Variants in SNRPN observed in about 807,000 individuals in gnomAD.
SNRPN encodes small nuclear ribonucleoprotein polypeptide N.
SNRPN carries 7 observed loss-of-function variants against 25.2 expected under a neutral mutation model. That is an observed-to-expected ratio of 0.28 (90% CI 0.16 to 0.52). The LOEUF is 0.52. Ranked by LOEUF, SNRPN falls within the 20% of genes least tolerant of loss-of-function variation. SNRPN has a pLI of 0.96. For synonymous variants in SNRPN, 124 were observed against 110.6 expected (o/e 1.12, Z -0.76); for missense variants, 196 against 322.5 (o/e 0.61, Z 3.00).
At chr15:24,896,784 C>A (rs1595766357) in intron 2 of SNRPN, among the ~76,000 whole-genome samples, 1 of 152,070 alleles carries the variant, frequency 6.6e-6, no homozygotes, top group African/African-American at 2.4e-5. Flanking sequence ...TTCACTGTTG[C>A]CTTTGAAGAA....
chr15:24,966,678 A>G (rs2153561039), intron 2 of SNRPN, among the ~76,000 whole-genome samples: 1 of 152,260 alleles, frequency 6.6e-6, no homozygotes, highest in Admixed American at 6.5e-5. Flanking sequence ...AATTCCAAGG[A>G]TGTATAGGAT....
chr15:24,894,496 G>A (rs925720443), intron 2 of SNRPN, among the ~76,000 whole-genome samples: 3 of 152,194 alleles, frequency 2.0e-5, no homozygotes, highest in African/African-American at 7.2e-5. Context: ...TGGGATTACA[G>A]GCGTGAGCCA....
chr15:24,978,463 C>G lies in SNRPN; in HGVS notation c.*19C>G, dbSNP rs773471460. On this transcript the variant is annotated 3_prime_UTR_variant, in exon 10 of 10. Coordinates refer to ENST00000390687, the MANE Select transcript of SNRPN (RefSeq NM_003097.6). ...ACCTTAGCATACTGTTGATCCATCT[C>G]AGTCACTTTTTCCCCTGCAATGCGT... The G allele has an allele frequency of 1.4e-5, 23 of 1,611,564 alleles. No individual in the cohort carries two copies. The highest frequency in any genetic ancestry group is 1.9e-5 in the Non-Finnish European group (22 of 1,178,566).
chr15:24,953,373 G>C (rs928691647), upstream of SNRPN, among the ~76,000 whole-genome samples: 6 of 152,130 alleles, frequency 3.9e-5, no homozygotes, highest in South Asian at 2.1e-4. Context: ...CACCAGGCTG[G>C]AGTGCAGTGG....
intron 2 of SNRPN, among the ~76,000 whole-genome samples, chr15:24,890,305 T>C (rs2057567109): frequency 6.6e-6 from 1 of 152,146 alleles, no homozygotes; most frequent in Non-Finnish European, 1.5e-5. Flanking sequence ...ACAGGTCTTA[T>C]GAATTTCTCC....
chr15:24,922,098 A>C (rs1314327077), intron 3 of SNRPN, among the ~76,000 whole-genome samples: 4 of 151,640 alleles, frequency 2.6e-5, no homozygotes, highest in Non-Finnish European at 5.9e-5. Flanking sequence ...CTGTAATCCC[A>C]GCTACTAGGG....
At chr15:24,880,592 C>G (rs1364862315) in intron 1 of SNRPN, among the ~76,000 whole-genome samples, 1 of 152,082 alleles carries the variant, frequency 6.6e-6, no homozygotes, top group African/African-American at 2.4e-5. Flanking sequence ...AGAGACAGGG[C>G]AGAAAATACT....
Position 24,911,138 on chromosome 15 carries a change from A to G in SNRPN, c.-504-8873A>G, listed in dbSNP as rs559320842. 8.0e-6 allele frequency: 7 copies of G among 878,308 alleles called. No homozygotes were observed. In the Admixed American group the frequency reaches 2.1e-4, roughly 27 times the overall value. 54.4% of individuals were successfully genotyped at this position (878,308 alleles called of 1,614,324 possible). ...TTGCAAGAAGCATGTTCTTGTGGGT[A>G]GGTCGTCAGTGCTGGAAAGGGCCAA... On this transcript the variant is annotated intron_variant, in intron 2 of 11. Transcript: ENST00000400097.
intron 2 of SNRPN, among the ~76,000 whole-genome samples, chr15:24,901,392 A>G (rs924481866): frequency 6.6e-6 from 1 of 152,202 alleles, no homozygotes; most frequent in Non-Finnish European, 1.5e-5. Context: ...TTTGATCTCT[A>G]TATCAAGAAA....
At chr15:24,951,454 T>G (rs1259086486), upstream of SNRPN, among the ~76,000 whole-genome samples, 1 of 152,242 alleles carries the variant, frequency 6.6e-6, no homozygotes, top group African/African-American at 2.4e-5. Flanking sequence ...TAAGAACTAT[T>G]TTAATCCTTT....
intron 2 of SNRPN, among the ~76,000 whole-genome samples, chr15:24,894,367 C>T (rs1230434406): frequency 6.6e-6 from 1 of 152,096 alleles, no homozygotes; most frequent in South Asian, 2.1e-4. Flanking sequence ...TACAGGTGCC[C>T]GCCACCACGC....
At chr15:24,905,885 G>A (rs1013985174) in intron 2 of SNRPN, among the ~76,000 whole-genome samples, 1 of 152,058 alleles carries the variant, frequency 6.6e-6, no homozygotes, top group Admixed American at 6.5e-5. Flanking sequence ...GTGTTCTGGT[G>A]AACTTCCTGA....
intron 1 of SNRPN, among the ~76,000 whole-genome samples, chr15:24,881,122 C>T (rs1428304204): frequency 6.6e-6 from 1 of 152,040 alleles, no homozygotes; most frequent in Non-Finnish European, 1.5e-5. Flanking sequence ...GGAAGATAGG[C>T]AGGTGTTCAA....
At chr15:24,885,716 C>CTGTGTGTGTG (rs58691279) in intron 1 of SNRPN, among the ~76,000 whole-genome samples, 3,766 of 141,664 alleles carry the variant, frequency 0.027, 78 homozygotes, top group South Asian at 0.057. Context: ...GAATCTGGGG[C>CTGTGTGTGTG]TGTGTGTGTG....
At chr15:24,955,791 G>A (rs1380016176) in intron 1 of SNRPN, among the ~76,000 whole-genome samples, 4 of 151,644 alleles carry the variant, frequency 2.6e-5, no homozygotes, top group Admixed American at 6.6e-5. Context: ...TTGGCAGCGG[G>A]TAGGCATGGC....
At chr15:24,974,058 C>T (rs564604099) in intron 3 of SNRPN, among the ~76,000 whole-genome samples, 6 of 152,188 alleles carry the variant, frequency 3.9e-5, no homozygotes, top group Admixed American at 6.5e-5. Context: ...GGGAAAATGA[C>T]GCTTAGTTTT....
intron 1 of SNRPN, among the ~76,000 whole-genome samples, chr15:24,960,871 T>G (rs2074679889): frequency 6.6e-6 from 1 of 152,338 alleles, no homozygotes; most frequent in South Asian, 2.1e-4. Flanking sequence ...AGTACATGCC[T>G]TTGAAATCAT....
chr15:24,826,758 T>A (rs899017699), intron 1 of SNRPN, among the ~76,000 whole-genome samples: 2 of 152,018 alleles, frequency 1.3e-5, no homozygotes, highest in African/African-American at 4.8e-5. Flanking sequence ...AAATCAAATA[T>A]TTAAGGTGGA....
chr15:24,950,001 A>T (rs1174127117), upstream of SNRPN, among the ~76,000 whole-genome samples: 2 of 151,532 alleles, frequency 1.3e-5, no homozygotes, highest in African/African-American at 2.4e-5. Context: ...ATTAAAAAAA[A>T]ATTTTTAGTA....
Sources: gnomAD v4.1 joint callset for allele counts (sites outside exome capture counted in the v4.1 genomes callset) on GRCh38, gnomAD v4.1.1 for gene constraint, MANE v1.5 for transcripts, NCBI Gene and HGNC (gene_info 2026-07-23, HGNC 2026-07-21) for gene names.